Variants in IFT57 observed in about 807,000 individuals in gnomAD.
The protein encoded by IFT57 is intraflagellar transport protein 57 homolog.
Under a neutral mutation model 56.8 loss-of-function variants are expected in IFT57, and 59 were observed. The observed-to-expected ratio is 1.04, with a 90% CI of 0.84 to 1.29. IFT57 has a LOEUF of 1.29. IFT57 is among the 50% of genes most tolerant of loss of function. The pLI, the probability that IFT57 is intolerant of heterozygous loss-of-function variation, is 0.00. For missense variants in IFT57, 470 were observed against 522.1 expected (o/e 0.90, Z 0.97); for synonymous variants, 209 against 186.1 (o/e 1.12, Z -1.00).
Position 108,162,166 on chromosome 3 carries a change from G to A in IFT57, c.*311C>T, listed in dbSNP as rs763879876. 1 of 195,254 alleles carries A rather than the reference G, an allele frequency of 5.1e-6. No homozygotes were observed. The highest frequency in any genetic ancestry group is 1.1e-5 in the Non-Finnish European group (1 of 95,032). 12.1% of individuals were successfully genotyped at this position (195,254 alleles called of 1,614,324 possible). ...TCATGTTGTGACAGCAGCAGCATCTGCAGAAAACGCAGGTCATATACCTTG... is the reference window on the plus strand; with the variant it reads ...TCATGTTGTGACAGCAGCAGCATCTACAGAAAACGCAGGTCATATACCTTG... On this transcript the variant is annotated 3_prime_UTR_variant, in exon 11 of 11. Coordinates refer to ENST00000264538, the MANE Select transcript of IFT57 (RefSeq NM_018010.4).
intron 6 of IFT57, among the ~76,000 whole-genome samples, chr3:108,188,809 G>T (rs1270406092): frequency 6.6e-6 from 1 of 152,122 alleles, no homozygotes; most frequent in African/African-American, 2.4e-5. Flanking sequence ...AAGAGTGTGT[G>T]TTAGCAGTTA....
chr3:108,197,546 T>C (rs1260164504), intron 5 of IFT57, among the ~76,000 whole-genome samples: 1 of 152,184 alleles, frequency 6.6e-6, no homozygotes, highest in Non-Finnish European at 1.5e-5. Flanking sequence ...GTTCCAGTAA[T>C]CTTTGGTCAA....
intron 6 of IFT57, among the ~76,000 whole-genome samples, chr3:108,170,647 A>G (rs1439583318): frequency 6.8e-6 from 1 of 147,710 alleles, no homozygotes. Flanking sequence ...AGAAAAAACT[A>G]CTTTAAATTT....
chr3:108,206,005 ATTAC>A (rs2080309889), intron 5 of IFT57, among the ~76,000 whole-genome samples: 1 of 103,462 alleles, frequency 9.7e-6, no homozygotes, highest in Non-Finnish European at 2.0e-5. Flanking sequence ...TATGTTATAT[ATTAC>A]TTATATATAA....
At position 108,187,335 on chromosome 3, in the gene IFT57, G is replaced by A. The variant is rs113529285; in HGVS notation, c.777+4186C>T. On this transcript the variant is annotated intron_variant, in intron 6 of 10. Transcript: ENST00000264538. ...GGTGCCAGACAATAGGGATAAGCTA[G>A]TTTAGCAATAAAAACCTTGTTGCAA... is the stretch of plus-strand genomic sequence containing the variant. Among the ~76,000 whole-genome samples, 360 of 152,204 alleles carry A rather than the reference G, an allele frequency of 2.4e-3. 2 individuals carry two copies. Among genetic ancestry groups the A allele is most frequent in the African/African-American group, 8.2e-3 (339 of 41,536 alleles).
chr3:108,191,860 T>A (rs1466742031), intron 5 of IFT57, among the ~76,000 whole-genome samples: 2 of 152,096 alleles, frequency 1.3e-5, no homozygotes, highest in Admixed American at 1.3e-4. Context: ...GAAGCAAATA[T>A]ATGATTCAAC....
chr3:108,210,426 C>T (rs767211009), intron 4 of IFT57, among the ~76,000 whole-genome samples: 2 of 151,226 alleles, frequency 1.3e-5, no homozygotes, highest in Non-Finnish European at 2.9e-5. Flanking sequence ...CTCCACCTCC[C>T]GGGTTCAAGC....
chr3:108,205,609 T>A (rs1167228941), intron 5 of IFT57, among the ~76,000 whole-genome samples: 1 of 150,780 alleles, frequency 6.6e-6, no homozygotes, highest in Non-Finnish European at 1.5e-5. Flanking sequence ...GTCAAGGAAA[T>A]CTTCATGATA....
Position 108,206,618 on chromosome 3 carries a change from T to C in IFT57, c.654+10A>G. On this transcript the variant is annotated intron_variant, in intron 5 of 10. Transcript: ENST00000264538. ...GCTTGTTGGTCCTGCATGTATCTGA[T>C]GAAACTTACCAAGTGATATGTCTGG... The C allele has an allele frequency of 7.7e-7, 1 of 1,298,938 alleles. No homozygotes were observed. The highest frequency in any genetic ancestry group is 1.0e-6 in the Non-Finnish European group (1 of 978,772). 80.5% of individuals were successfully genotyped at this position (1,298,938 alleles called of 1,614,324 possible). A position where few individuals can be genotyped will look rare whatever the true frequency, so the allele number is the denominator to read the frequency against.
At chr3:108,173,543 G>C (rs1424641510) in intron 6 of IFT57, among the ~76,000 whole-genome samples, 1 of 151,780 alleles carries the variant, frequency 6.6e-6, no homozygotes, top group Admixed American at 6.6e-5. Flanking sequence ...CAATGTGCTT[G>C]AAAGGCTTAC....
At chr3:108,205,091 T>C (rs1456297354) in intron 5 of IFT57, among the ~76,000 whole-genome samples, 1 of 152,118 alleles carries the variant, frequency 6.6e-6, no homozygotes, top group African/African-American at 2.4e-5. Context: ...ACCTTCTGTG[T>C]TACACTATGG....
intron 6 of IFT57, among the ~76,000 whole-genome samples, chr3:108,184,587 C>A (rs2080170227): frequency 6.6e-6 from 1 of 151,976 alleles, no homozygotes; most frequent in Non-Finnish European, 1.5e-5. Context: ...GTATGTGGCA[C>A]CATTTACAGT....
chr3:108,163,661 A>C lies in IFT57; in HGVS notation c.1111+2T>G, dbSNP rs957407250. 4 of 1,606,068 alleles carry C rather than the reference A, an allele frequency of 2.5e-6. No homozygotes were observed. The highest frequency in any genetic ancestry group is 3.4e-6 in the Non-Finnish European group (4 of 1,173,526). ...TTTCCCCTAAAATGAGCATGTACTT[A>C]CCACCATCAGTCATGCTGCTGCCCT... On this transcript the variant is annotated splice_donor_variant, in intron 10 of 10. Transcript: ENST00000264538. LOFTEE classifies it high-confidence loss of function.
At chr3:108,216,854 T>A (rs932467687) in intron 3 of IFT57, among the ~76,000 whole-genome samples, 1 of 152,046 alleles carries the variant, frequency 6.6e-6, no homozygotes, top group Non-Finnish European at 1.5e-5. Context: ...CTATGTCAAG[T>A]GAAATAAGCC....
intron 7 of IFT57, 134 bp downstream of exon 7, chr3:108,167,659 T>C: frequency 2.4e-6 from 1 of 408,386 alleles, no homozygotes; most frequent in South Asian, 5.2e-5. Context: ...TCAGTTGAAA[T>C]GTAACACGGT....
intron 3 of IFT57, among the ~76,000 whole-genome samples, chr3:108,214,544 A>G (rs1039085399): frequency 6.6e-6 from 1 of 152,134 alleles, no homozygotes; most frequent in East Asian, 1.9e-4. Context: ...GGCTTCCAAA[A>G]TGTTACCCTA....
At chr3:108,219,251 C>T (rs1238258962) in intron 2 of IFT57, among the ~76,000 whole-genome samples, 159 bp downstream of exon 2, 1 of 151,908 alleles carries the variant, frequency 6.6e-6, no homozygotes, top group African/African-American at 2.4e-5. Flanking sequence ...TCAGAAGTGA[C>T]ATTAACATTA....
chr3:108,181,139 G>A (rs1460993073), intron 6 of IFT57, among the ~76,000 whole-genome samples: 2 of 151,906 alleles, frequency 1.3e-5, no homozygotes, highest in Non-Finnish European at 2.9e-5. Context: ...TGATCCAGTT[G>A]AAACATTTAT....
chr3:108,219,596 G>A (rs767184903), intron 1 of IFT57, 24 bp from the exon 2 acceptor site: 5 of 1,608,822 alleles, frequency 3.1e-6, no homozygotes, highest in Non-Finnish European at 4.3e-6. Flanking sequence ...AGGAGGAATG[G>A]GGGCGGATGT....
Sources: allele counts gnomAD v4.1 joint callset (sites outside exome capture counted in the v4.1 genomes callset), GRCh38; gene constraint gnomAD v4.1.1; transcripts MANE v1.5; gene names NCBI Gene and HGNC (gene_info 2026-07-23, HGNC 2026-07-21).